The following USP47 variants were observed in gnomAD, a reference collection of about 807,000 sequenced individuals.
USP47 encodes ubiquitin carboxyl-terminal hydrolase 47.
Under a neutral mutation model 165.1 loss-of-function variants are expected in USP47, and 35 were observed. The ratio of observed to expected loss-of-function variants is 0.21; its 90% CI spans 0.16 to 0.28. USP47 has a LOEUF of 0.28. Ranked by LOEUF, USP47 falls within the 10% of genes least tolerant of loss-of-function variation. The pLI is 1.00. For synonymous variants in USP47, 531 were observed against 544.5 expected (o/e 0.98, Z 0.35); for missense variants, 1,277 against 1,607.4 (o/e 0.79, Z 3.52).
intron 1 of USP47, among the ~76,000 whole-genome samples, chr11:11,871,074 G>T (rs146982452): frequency 1.4e-3 from 210 of 152,174 alleles, no homozygotes; most frequent in Non-Finnish European, 2.5e-3. Flanking sequence ...TGATCCTTTT[G>T]AGTTTTGCTT....
Position 11,942,949 on chromosome 11 carries a change from G to C in USP47, c.2928G>C (p.Thr976=). 1 of 1,613,500 alleles carries C rather than the reference G, an allele frequency of 6.2e-7. No individual in the cohort carries two copies. The highest frequency in any genetic ancestry group is 8.5e-7 in the Non-Finnish European group (1 of 1,179,714). The change falls in exon 20 of 28, where the codon ACG becomes ACC. Residue 976 remains threonine, a synonymous_variant. Coordinates refer to ENST00000527733, the MANE Select transcript of USP47 (RefSeq NM_001282659.2). ...ACAGTATCACAAGTAGTAGAAGAAC[G>C]AAAGCAAATGAAGGGAAAAAAGAAA... The part of the protein sequence containing the change: ...DSHSITSSRR[T]KANEGKKETW...
rs985073529 is a variant in USP47 at position 11,955,135 on chromosome 11, C to T, written c.3864C>T (p.Ile1288=). The T allele has an allele frequency of 1.9e-6, 3 of 1,613,598 alleles. No homozygotes were observed. Among genetic ancestry groups the T allele is most frequent in the Non-Finnish European group, 2.5e-6 (3 of 1,179,882 alleles). ...CCCTGAATGTCTGGCCTCTTTATAT[C>T]TGTGATGATGGTGCGGTCATATTTT... ...VSTLNVWPLY[I]CDDGAVIFYR... is the part of the protein sequence containing the mutation. Residue 1288 remains isoleucine (I), a synonymous_variant, in exon 27 of 28, where the codon ATC becomes ATT. Coordinates refer to ENST00000527733, the MANE Select transcript of USP47 (RefSeq NM_001282659.2).
rs1459464894 is a variant in USP47 at position 11,958,752 on chromosome 11, C to T, written c.*2577C>T. On this transcript the variant is annotated 3_prime_UTR_variant, in exon 28 of 28. Transcript: ENST00000527733. ...TGCATTCTGGCCAAAGAAACAAAAGCTGTGGTTTCAGGACCATGCCGTGTG... is the reference window on the plus strand; with the variant it reads ...TGCATTCTGGCCAAAGAAACAAAAGTTGTGGTTTCAGGACCATGCCGTGTG... The T allele has an allele frequency of 1.3e-5, 2 of 152,270 alleles. No homozygotes were observed. Among genetic ancestry groups the T allele is most frequent in the Non-Finnish European group, 2.9e-5 (2 of 68,088 alleles). The allele number at this position is 152,270 out of a possible 1,614,324, so 9.4% of individuals were successfully genotyped here. A position where few individuals can be genotyped will look rare whatever the true frequency, so the allele number is the denominator to read the frequency against.
At chr11:11,910,893 G>C (rs530401293) in intron 8 of USP47, among the ~76,000 whole-genome samples, 2 of 152,186 alleles carry the variant, frequency 1.3e-5, no homozygotes, top group Middle Eastern at 6.8e-3. Flanking sequence ...AGTTAAAAAA[G>C]AAAACCAGTA....
intron 16 of USP47, among the ~76,000 whole-genome samples, chr11:11,935,137 AT>A (rs1372213752): frequency 3.3e-5 from 5 of 152,108 alleles, no homozygotes; most frequent in African/African-American, 9.7e-5. Context: ...AATCACTTAT[AT>A]TATACATCTG....
intron 7 of USP47, 99 bp from the exon 8 acceptor site, chr11:11,905,300 C>A: frequency 1.4e-6 from 1 of 691,346 alleles, no homozygotes; most frequent in Non-Finnish European, 2.1e-6. Flanking sequence ...CTGTAAATAT[C>A]AATATCCTTT....
intron 5 of USP47, among the ~76,000 whole-genome samples, chr11:11,898,351 G>A (rs1851979350): frequency 6.6e-6 from 1 of 152,096 alleles, no homozygotes; most frequent in South Asian, 2.1e-4. Context: ...TTAAGTATGA[G>A]TAAACTGATT....
At position 11,903,362 on chromosome 11, in the gene USP47, T is replaced by A. The variant is rs1352581380; in HGVS notation, c.819+20T>A. The A allele has an allele frequency of 1.3e-6, 2 of 1,599,386 alleles. No homozygotes were observed. The highest frequency in any genetic ancestry group is 1.1e-5 in the South Asian group (1 of 89,278). ...GAACAGGTAATTTATATCTCTCAAA[T>A]CAAGGGGACTGTTTCCTAATAAATC... On this transcript the variant is annotated intron_variant, in intron 7 of 27. Transcript: ENST00000527733.
chr11:11,863,168 A>G lies in USP47; in HGVS notation c.40-17009A>G, dbSNP rs558889770. On this transcript the variant is annotated intron_variant, in intron 1 of 27. Transcript: ENST00000527733. ...ATTAGAAAGGCTTGATTATTTACAG[A>G]TGTTGTGATTTGATTTTTAAATTGA... Among the ~76,000 whole-genome samples, 30 of 152,306 alleles carry G rather than the reference A, an allele frequency of 2.0e-4. No homozygotes were observed. In the South Asian group the frequency reaches 6.2e-3, roughly 32 times the overall value.
chr11:11,920,624 T>TATTTTCTAATGTGGAATTCAAA (rs1590380388), intron 10 of USP47, 130 bp downstream of exon 10: 3 of 764,912 alleles, frequency 3.9e-6, no homozygotes, highest in East Asian at 6.4e-5. Flanking sequence ...TTTTCTTTCT[T>TATTTTCTAATGTGGAATTCAAA]ATTTTCTAAT....
intron 1 of USP47, among the ~76,000 whole-genome samples, chr11:11,870,281 C>T: frequency 6.6e-6 from 1 of 150,816 alleles, no homozygotes; most frequent in African/African-American, 2.4e-5. Flanking sequence ...ACCTTATTTC[C>T]CTTCATGTAT....
chr11:11,932,975 C>T, intron 14 of USP47, 29 bp from the exon 15 acceptor site: 1 of 1,570,432 alleles, frequency 6.4e-7, no homozygotes, highest in Non-Finnish European at 8.7e-7. Flanking sequence ...TTCAGTGACA[C>T]TGTCTTATCC....
At chr11:11,847,659 A>G (rs1848502798) in intron 1 of USP47, among the ~76,000 whole-genome samples, 1 of 152,030 alleles carries the variant, frequency 6.6e-6, no homozygotes, top group African/African-American at 2.4e-5. Flanking sequence ...ATGTCTCTGT[A>G]TCCTTATCTT....
chr11:11,903,158 A>G, intron 6 of USP47, 105 bp from the exon 7 acceptor site: 1 of 1,160,394 alleles, frequency 8.6e-7, no homozygotes, highest in Non-Finnish European at 1.2e-6. Flanking sequence ...ATTTGGCATT[A>G]TTTAAGGTAG....
At chr11:11,923,793 A>G (rs1468057062) in intron 11 of USP47, among the ~76,000 whole-genome samples, 1 of 152,214 alleles carries the variant, frequency 6.6e-6, no homozygotes, top group African/African-American at 2.4e-5. Context: ...TATCTGTTTC[A>G]TTCAGGGCAG....
At chr11:11,903,122 A>G (rs961543479) in intron 6 of USP47, 141 bp from the exon 7 acceptor site, 6 of 809,354 alleles carry the variant, frequency 7.4e-6, no homozygotes, top group African/African-American at 3.5e-5. Context: ...CATGACTGTC[A>G]TGTATATTCT....
chr11:11,927,312 G>C (rs1410399971), intron 11 of USP47, among the ~76,000 whole-genome samples: 1 of 151,988 alleles, frequency 6.6e-6, no homozygotes, highest in East Asian at 1.9e-4. Flanking sequence ...TTGGTTTTTG[G>C]TTTATTGGGC....
At chr11:11,864,465 A>G (rs76307988) in intron 1 of USP47, among the ~76,000 whole-genome samples, 8,290 of 152,156 alleles carry the variant, frequency 0.054, 587 homozygotes, top group African/African-American at 0.16. Context: ...TACCATCACC[A>G]TCATCTATCC....
At chr11:11,896,603 C>T (rs932706630) in intron 4 of USP47, among the ~76,000 whole-genome samples, 2 of 152,144 alleles carry the variant, frequency 1.3e-5, no homozygotes, top group African/African-American at 4.8e-5. Flanking sequence ...ATTGCCCTCT[C>T]ATGTGCATCT....
Sources: allele counts gnomAD v4.1 joint callset (sites outside exome capture counted in the v4.1 genomes callset), GRCh38; gene constraint gnomAD v4.1.1; transcripts MANE v1.5; gene names NCBI Gene and HGNC (gene_info 2026-07-23, HGNC 2026-07-21).